UNC80: variants seen among roughly 807,000 people sequenced by gnomAD.
The protein encoded by UNC80 is protein unc-80 homolog.
A neutral mutation model predicts 384.6 loss-of-function variants in UNC80; 164 were observed. The ratio of observed to expected loss-of-function variants is 0.43; its 90% confidence interval spans 0.38 to 0.49. The LOEUF (loss-of-function observed/expected upper bound fraction) is 0.49. UNC80 is among the 20% of genes least tolerant of loss of function. UNC80 has a pLI of 0.00. For missense variants in UNC80, 3,330 were observed against 4,143.0 expected, an observed-to-expected ratio of 0.80 and a Z score of 5.39; for synonymous variants, 1,486 against 1,527.8, an observed-to-expected ratio of 0.97 and a Z score of 0.64.
rs2091622673 is a variant in UNC80 at position 209,941,401 on chromosome 2, A to G, written c.6827A>G (p.Tyr2276Cys). 6.5e-7 allele frequency: 1 copy of G among 1,549,908 alleles called. No individual in the cohort carries two copies. Among genetic ancestry groups the G allele is most frequent in the Non-Finnish European group, 8.7e-7 (1 of 1,145,996 alleles). Residue 2276 changes from tyrosine (Y) to cysteine (C), a missense_variant, in exon 44 of 65, where the codon TAT becomes TGT. Transcript: ENST00000673920. Reference protein sequence around the residue: ...HPEDSALLRQYAATVINTAVH... With the variant: ...HPEDSALLRQCAATVINTAVH... The stretch of plus-strand genomic sequence containing the variant: ...GAAGACAGTGCCCTGCTCAGGCAGT[A>G]TGCTGCCACCGTCATCAACACCGCG...
intron 11 of UNC80, among the ~76,000 whole-genome samples, chr2:209,818,604 A>G (rs2079912928): frequency 6.6e-6 from 1 of 152,188 alleles, no homozygotes; most frequent in Non-Finnish European, 1.5e-5. Flanking sequence ...AAAATTATTC[A>G]TGTTTGTTGT....
intron 48 of UNC80, 123 bp from the exon 49 acceptor site, chr2:209,957,521 C>A (rs754683534): frequency 4.8e-5 from 39 of 811,166 alleles, no homozygotes; most frequent in Non-Finnish European, 6.9e-5. Context: ...GACAGCCTGT[C>A]TTTTGAAGAC....
At chr2:209,776,479 G>A (rs1310280052) in intron 3 of UNC80, among the ~76,000 whole-genome samples, 1 of 152,208 alleles carries the variant, frequency 6.6e-6, no homozygotes, top group East Asian at 1.9e-4. Flanking sequence ...TACTCGAGAG[G>A]CTGAGGCAGG....
chr2:209,815,277 C>A lies in UNC80; in HGVS notation c.1221C>A (p.Asn407Lys), dbSNP rs200884661. Reference protein sequence around the residue: ...HKTQDLTMKCNEEEKSLSSEA... With the variant: ...HKTQDLTMKCKEEEKSLSSEA... ...TTAAGGATCTCACCATGAAGTGTAACGAGGAGGAAAAATCTCTTAGCTCTG... is the reference window on the plus strand; with the variant it reads ...TTAAGGATCTCACCATGAAGTGTAAAGAGGAGGAAAAATCTCTTAGCTCTG... Residue 407 changes from asparagine to lysine, a missense_variant, in exon 9 of 65, where the codon AAC (asparagine) becomes AAA (lysine). Asn to Lys is a moderately conservative substitution (Grantham distance 94, BLOSUM62 0). Around this residue, in one of 8 missense-constraint regions of UNC80, gnomAD observed 937 missense variants for 1,026.8 expected, o/e 0.91. Transcript: ENST00000673920. 1 of 1,551,558 alleles carries A rather than the reference C, an allele frequency of 6.4e-7. No homozygotes were observed.
At chr2:209,980,037 GA>G (rs1237881196) in intron 59 of UNC80, among the ~76,000 whole-genome samples, 1 of 152,166 alleles carries the variant, frequency 6.6e-6, no homozygotes, top group Non-Finnish European at 1.5e-5. Flanking sequence ...TCAGACAAGG[GA>G]AAAATCATAT....
rs909954638 is a variant in UNC80, at chr2:209,771,850, C to A, written c.-223C>A. The A allele has an allele frequency of 2.2e-5, 12 of 544,160 alleles. No individual in the cohort carries two copies. The highest frequency in any genetic ancestry group is 4.0e-5 in the Non-Finnish European group (12 of 296,306). 33.7% of individuals were successfully genotyped at this position (544,160 alleles called of 1,614,324 possible). ...GACCGCTGCTCCGAGCGCCCCCCTC[C>A]TCGCTCCGCGGCTCCTCCAGCCCTC... On this transcript the variant is annotated 5_prime_UTR_variant, in exon 1 of 65. Transcript: ENST00000673920.
intron 26 of UNC80, among the ~76,000 whole-genome samples, chr2:209,892,784 T>C (rs1348322675): frequency 2.0e-5 from 3 of 152,226 alleles, no homozygotes; most frequent in African/African-American, 4.8e-5. Context: ...AAAGTCTTAA[T>C]TAAACATAAA....
At chr2:209,955,713 A>C (rs1235401469) in intron 48 of UNC80, among the ~76,000 whole-genome samples, 2 of 77,452 alleles carry the variant, frequency 2.6e-5, no homozygotes, top group East Asian at 3.8e-4. Flanking sequence ...ATATATATAT[A>C]TATATATATA....
rs910640396 is a variant in UNC80 at position 209,978,693 on chromosome 2, G to A, written c.9103G>A (p.Glu3035Lys). 10 of 1,536,702 alleles carry A rather than the reference G, an allele frequency of 6.5e-6. No individual in the cohort carries two copies. Among genetic ancestry groups the A allele is most frequent in the African/African-American group, 1.4e-5 (1 of 72,960 alleles). The change falls in exon 59 of 65, where the codon GAG (glutamate) becomes AAG (lysine). Residue 3035 changes from glutamate to lysine, a missense_variant. This residue lies in a region of UNC80 where 216 missense variants were observed against 245.3 expected (regional missense o/e 0.88). Transcript: ENST00000673920. ...GCAGGACACCCTGAGTCGGACTGAT[G>A]AGGAAGATGAGGAAAGTAGGTCATT... ...ASQDTLSRTD[E>K]EDEENDSISM...
chr2:209,900,478 T>C (rs2087274266), intron 28 of UNC80, among the ~76,000 whole-genome samples: 1 of 152,198 alleles, frequency 6.6e-6, no homozygotes, highest in Admixed American at 6.5e-5. Flanking sequence ...AATAAATGTG[T>C]GTGTTCTCAT....
In UNC80 at chr2:209,831,481, A is replaced by G; in HGVS notation, c.2665A>G (p.Asn889Asp). The G allele has an allele frequency of 6.4e-7, 1 of 1,551,264 alleles. No individual in the cohort carries two copies. Among genetic ancestry groups the G allele is most frequent in the Non-Finnish European group, 8.7e-7 (1 of 1,146,792 alleles). The change falls in exon 16 of 65, where the codon AAC becomes GAC. Residue 889 changes from asparagine to aspartate, a missense_variant. Physicochemically the swap from Asn to Asp is conservative, Grantham distance 23. Coordinates refer to ENST00000673920, the MANE Select transcript of UNC80 (RefSeq NM_001371986.1). ...GFGNNFTTVD[N>D]KSTAQNVEGI... ...TGGAAATAACTTCACCACAGTGGAC[A>G]ACAAATCCACAGCCCAAAATGTGGA...
rs369157233 is a variant in UNC80, at chr2:209,914,212, A to G, written c.5029+272A>G. Among the ~76,000 whole-genome samples the G allele has an allele frequency of 2.6e-5, 4 of 152,212 alleles. 1 individual carries two copies. In the South Asian group the frequency reaches 8.3e-4, roughly 31 times the overall value. On this transcript the variant is annotated intron_variant, in intron 31 of 64. Transcript: ENST00000673920. ...GAGAATGATTTTCCCCAGATCCTGC[A>G]CTTTCACTATATTTCACAAGAGACA...
At chr2:209,956,785 C>T (rs761508445) in intron 48 of UNC80, among the ~76,000 whole-genome samples, 4 of 151,856 alleles carry the variant, frequency 2.6e-5, no homozygotes, top group Non-Finnish European at 5.9e-5. Context: ...CCCTTTTTGC[C>T]GTATAATGTA....
chr2:209,778,530 C>T lies in UNC80; in HGVS notation c.600+971C>T, dbSNP rs187640856. 1.0e-3 allele frequency among the ~76,000 whole-genome samples: 158 copies of T among 152,204 alleles called. 2 individuals are homozygous for T. The highest frequency in any genetic ancestry group is 8.2e-3 in the Admixed American group (126 of 15,278). Reference sequence around the variant, plus strand: ...ACAAAACATAGGATTACATGGAAACCAGTTATCTCAAAATACAATCATATC... The same window carrying T: ...ACAAAACATAGGATTACATGGAAACTAGTTATCTCAAAATACAATCATATC... On this transcript the variant is annotated intron_variant, in intron 4 of 64. Coordinates refer to ENST00000673920, the MANE Select transcript of UNC80 (RefSeq NM_001371986.1).
rs1024816284 is a variant in UNC80, at chr2:209,998,580, T to C, written c.*2985T>C. ...TGATAGCTCCTCTCTTCTTTAGCATTATATTCCTTTAGTCAACAAAGAACT... is the reference window on the plus strand; with the variant it reads ...TGATAGCTCCTCTCTTCTTTAGCATCATATTCCTTTAGTCAACAAAGAACT... On this transcript the variant is annotated 3_prime_UTR_variant, in exon 65 of 65. Transcript: ENST00000673920. The C allele has an allele frequency of 1.3e-5, 2 of 152,394 alleles. No individual in the cohort carries two copies. Among genetic ancestry groups the C allele is most frequent in the East Asian group, 1.9e-4 (1 of 5,190 alleles). The allele number at this position is 152,394 out of a possible 1,614,324, so 9.4% of individuals were successfully genotyped here. A position where few individuals can be genotyped will look rare whatever the true frequency, so the allele number is the denominator to read the frequency against.
intron 7 of UNC80, among the ~76,000 whole-genome samples, chr2:209,799,358 G>T (rs1199696375): frequency 6.6e-6 from 1 of 152,136 alleles, no homozygotes; most frequent in Non-Finnish European, 1.5e-5. Flanking sequence ...GTTCATTCAT[G>T]ATTTGGCTCG....
chr2:209,880,987 T>C lies in UNC80; in HGVS notation c.4003T>C (p.Cys1335Arg). Residue 1335 changes from cysteine to arginine, a missense_variant, in exon 25 of 65, where the codon TGC (cysteine) becomes CGC (arginine). This residue lies in a region of UNC80 where 801 missense variants were observed against 950.8 expected (regional missense o/e 0.84). Coordinates refer to ENST00000673920, the MANE Select transcript of UNC80 (RefSeq NM_001371986.1). ...DSTVNPSKCG[C>R]PFALKMAACQ... is the part of the protein sequence containing the mutation. ...TACTGTGAACCCCTCTAAATGCGGT[T>C]GCCCCTTTGCCTTGAAGATGGCAGC... The C allele has an allele frequency of 6.4e-7, 1 of 1,552,144 alleles. No individual in the cohort carries two copies. The highest frequency in any genetic ancestry group is 1.2e-5 in the South Asian group (1 of 84,060).
chr2:209,789,651 G>C, intron 6 of UNC80, 46 bp downstream of exon 6: 1 of 1,363,800 alleles, frequency 7.3e-7, no homozygotes, highest in Middle Eastern at 1.8e-4. Context: ...GAAAGTCCTT[G>C]GACATAGTGT....
At chr2:209,921,733 A>G in intron 34 of UNC80, 47 bp downstream of exon 34, 1 of 1,489,022 alleles carries the variant, frequency 6.7e-7, no homozygotes, top group African/African-American at 1.4e-5. Flanking sequence ...TCTCAGGGAA[A>G]TAACGTGCTC....
Sources: gnomAD v4.1 joint callset for allele counts (sites outside exome capture counted in the v4.1 genomes callset) on GRCh38, gnomAD v4.1.1 for gene constraint, gnomAD v4.1.1 regional missense constraint, MANE v1.5 for transcripts, NCBI Gene and HGNC (gene_info 2026-07-23, HGNC 2026-07-21) for gene names.